TCL1B: variants seen among roughly 807,000 people sequenced by gnomAD.
The protein encoded by TCL1B is T-cell leukemia/lymphoma protein 1B.
In TCL1B, 14 loss-of-function variants were observed where a neutral mutation model predicts 16.9. The observed-to-expected ratio is 0.83, with a 90% confidence interval of 0.55 to 1.30. TCL1B has a LOEUF of 1.30. Among genes scored for constraint, TCL1B ranks in the 50% most tolerant of loss-of-function variants. TCL1B has a pLI of 0.00. For missense variants in TCL1B, 166 were observed against 165.2 expected (o/e 1.00, Z -0.03); for synonymous variants, 79 against 66.6 (o/e 1.19, Z -0.91).
chr14:95,691,486 C>G, intron 3 of TCL1B, 150 bp downstream of exon 3: 2 of 670,844 alleles, frequency 3.0e-6, no homozygotes, highest in Non-Finnish European at 5.0e-6. Flanking sequence ...TTCCCCAGCC[C>G]CTTGGATGTG....
At chr14:95,691,465 T>C (rs910297317) in intron 3 of TCL1B, 129 bp downstream of exon 3, 3 of 771,364 alleles carry the variant, frequency 3.9e-6, no homozygotes, top group African/African-American at 3.5e-5. Context: ...CATAGCCACC[T>C]GTCACCTCTG....
Position 95,690,788 on chromosome 14 carries a change from A to C in TCL1B, c.215A>C (p.Glu72Ala), listed in dbSNP as rs754700922. 2.8e-5 allele frequency: 45 copies of C among 1,614,044 alleles called. No individual in the cohort carries two copies. Among genetic ancestry groups the C allele is most frequent in the Non-Finnish European group, 3.7e-5 (44 of 1,180,036 alleles). Reference sequence around the variant, plus strand: ...TGGCAGATGGCAGTGCATACCCGGGAGCTACTCTCCTCCGGCCAGATGCCC... The same window carrying C: ...TGGCAGATGGCAGTGCATACCCGGGCGCTACTCTCCTCCGGCCAGATGCCC... Reference protein sequence around the residue: ...HLWQMAVHTRELLSSGQMPFS... With the variant: ...HLWQMAVHTRALLSSGQMPFS... Residue 72 changes from glutamate (E) to alanine (A), a missense_variant, in exon 2 of 4, where the codon GAG becomes GCG. Transcript: ENST00000340722.
At chr14:95,690,664 C>T in intron 1 of TCL1B, 72 bp from the exon 2 acceptor site, 1 of 1,517,620 alleles carries the variant, frequency 6.6e-7, no homozygotes, top group Non-Finnish European at 9.0e-7. Flanking sequence ...GCCCACTGGC[C>T]ATTGCTTGTG....
intron 1 of TCL1B, among the ~76,000 whole-genome samples, chr14:95,687,899 C>A (rs1885797237): frequency 7.3e-6 from 1 of 136,230 alleles, no homozygotes; most frequent in Non-Finnish European, 1.5e-5. Flanking sequence ...TTGTAGTGAG[C>A]CGAGATCGCA....
rs974895732 is a variant in TCL1B at position 95,689,130 on chromosome 14, CA to C, written c.163-1599del. Among the ~76,000 whole-genome samples the C allele has an allele frequency of 1.8e-4, 28 of 151,658 alleles. 1 individual carries two copies. Among genetic ancestry groups the C allele is most frequent in the South Asian group, 8.4e-4 (4 of 4,786 alleles). ...TGAAACCCCGTCTCTACTAAAAATA[CA>C]AAAAAATTAGCCGGGTGCGGTGGCA... On this transcript the variant is annotated intron_variant, in intron 1 of 3. Transcript: ENST00000340722.
chr14:95,691,189 C>T, intron 2 of TCL1B, 79 bp from the exon 3 acceptor site: 1 of 1,520,326 alleles, frequency 6.6e-7, no homozygotes, highest in Non-Finnish European at 9.0e-7. Context: ...GCTGCTGCTG[C>T]CAGCCTGCAT....
intron 1 of TCL1B, among the ~76,000 whole-genome samples, chr14:95,687,868 C>T (rs1006354748): frequency 3.5e-5 from 5 of 142,852 alleles, no homozygotes; most frequent in South Asian, 2.3e-4. Context: ...AGGAGAATGG[C>T]GTGAACCCGG....
chr14:95,691,510 G>T, intron 3 of TCL1B, 174 bp downstream of exon 3: 1 of 575,934 alleles, frequency 1.7e-6, no homozygotes, highest in Non-Finnish European at 3.1e-6. Flanking sequence ...GTACACAGTG[G>T]GTGGGCCCCC....
At chr14:95,689,112 C>T (rs1022060668) in intron 1 of TCL1B, among the ~76,000 whole-genome samples, 1 of 152,008 alleles carries the variant, frequency 6.6e-6, no homozygotes, top group South Asian at 2.1e-4. Context: ...CGGTGAAACC[C>T]CGTCTCTACT....
chr14:95,687,313 T>C (rs1261505472), intron 1 of TCL1B, among the ~76,000 whole-genome samples: 2 of 152,156 alleles, frequency 1.3e-5, no homozygotes, highest in East Asian at 1.9e-4. Flanking sequence ...AGCCAGTCTT[T>C]GAGGGATGAA....
rs976647767 is a variant in TCL1B, at chr14:95,691,044, C to A, written c.333+138C>A. The A allele has an allele frequency of 6.8e-6, 8 of 1,179,802 alleles. No individual in the cohort carries two copies. The South Asian group carries it at 1.1e-4, about 16-fold the overall frequency. The allele number at this position is 1,179,802 out of a possible 1,614,324, so 73.1% of individuals were successfully genotyped here. On this transcript the variant is annotated intron_variant, in intron 2 of 3. Transcript: ENST00000340722. Reference sequence around the variant, plus strand: ...TTGCTCAAGTCTTCCTTCAAGGAGGCCTGAGTGTGTGTGGGTGGATCGGTG... The same window carrying A: ...TTGCTCAAGTCTTCCTTCAAGGAGGACTGAGTGTGTGTGGGTGGATCGGTG...
intron 1 of TCL1B, chr14:95,688,356 C>CA (rs1181070084): frequency 1.3e-5 from 2 of 151,980 alleles, no homozygotes; most frequent in Non-Finnish European, 2.9e-5. Flanking sequence ...TAGGTTATTT[C>CA]AAAAAATGTT....
intron 1 of TCL1B, 36 bp from the exon 2 acceptor site, chr14:95,690,700 A>G: frequency 6.3e-7 from 1 of 1,589,468 alleles, no homozygotes; most frequent in Admixed American, 1.7e-5. Context: ...AGGGAACCCT[A>G]TCCATGATTT....
intron 1 of TCL1B, 83 bp downstream of exon 1, chr14:95,686,712 G>A: frequency 6.9e-7 from 1 of 1,454,280 alleles, no homozygotes; most frequent in South Asian, 1.4e-5. Context: ...GGGGTCAGAG[G>A]GGGCCGTTCT....
Position 95,686,444 on chromosome 14 carries a change from G to T in TCL1B, c.-24G>T. ...GAAAGCTACACGTGTGAGCCTAGAG[G>T]CGGGTCCCGGTTGCAGACTTGCCAT... On this transcript the variant is annotated 5_prime_UTR_variant, in exon 1 of 4. Transcript: ENST00000340722. 6.4e-7 allele frequency: 1 copy of T among 1,574,570 alleles called. No individual in the cohort carries two copies. Among genetic ancestry groups the T allele is most frequent in the South Asian group, 1.2e-5 (1 of 81,872 alleles).
intron 1 of TCL1B, among the ~76,000 whole-genome samples, chr14:95,690,201 T>C (rs1455177093): frequency 6.6e-6 from 1 of 152,184 alleles, no homozygotes; most frequent in Admixed American, 6.5e-5. Flanking sequence ...AGAGTCTCAT[T>C]ATGTTGCCGA....
rs1486515492 is a variant in TCL1B, at chr14:95,686,587, T to C, written c.120T>C (p.Asn40=). 6.2e-7 allele frequency: 1 copy of C among 1,613,274 alleles called. No individual in the cohort carries two copies. The highest frequency in any genetic ancestry group is 8.5e-7 in the Non-Finnish European group (1 of 1,179,666). ...GGGTGACTGTGGTCGTGCGGTTCAA[T>C]CCCTCGCGTAGGGAATGGGCCAGGG... The part of the protein sequence containing the change: ...RTWVTVVVRF[N]PSRREWARAS... Residue 40 remains asparagine, a synonymous_variant, in exon 1 of 4, where the codon AAT becomes AAC. Transcript: ENST00000340722.
intron 2 of TCL1B, 152 bp from the exon 3 acceptor site, chr14:95,691,116 G>T (rs1885876183): frequency 2.8e-6 from 3 of 1,072,442 alleles, no homozygotes; most frequent in Non-Finnish European, 4.0e-6. Context: ...AGGGAGGGAG[G>T]GTTGCCTTCC....
Position 95,686,544 on chromosome 14 carries a change from A to T in TCL1B, c.77A>T (p.Asp26Val). ...ATCCAGAGGCCTGGCATCTACGAAG[A>T]TGAGGAGGGGAGAACCTGGGTGACT... is the stretch of plus-strand genomic sequence containing the variant. ...LWIQRPGIYE[D>V]EEGRTWVTVV... The change falls in exon 1 of 4, where the codon GAT (aspartate) becomes GTT (valine). Residue 26 changes from aspartate to valine, a missense_variant. Coordinates refer to ENST00000340722, the MANE Select transcript of TCL1B (RefSeq NM_004918.4). The T allele has an allele frequency of 6.2e-7, 1 of 1,613,812 alleles. No individual in the cohort carries two copies. Among genetic ancestry groups the T allele is most frequent in the Non-Finnish European group, 8.5e-7 (1 of 1,179,864 alleles).
Sources: gnomAD v4.1 joint callset for allele counts (sites outside exome capture counted in the v4.1 genomes callset) on GRCh38, gnomAD v4.1.1 for gene constraint, MANE v1.5 for transcripts, NCBI Gene and HGNC (gene_info 2026-07-23, HGNC 2026-07-21) for gene names.